The following EPS8 variants were observed in gnomAD, a reference collection of about 807,000 sequenced individuals.
EPS8 encodes the protein EGFR pathway substrate 8, signaling adaptor.
In EPS8, 42 loss-of-function variants were observed where a neutral mutation model predicts 103.8. That is an observed-to-expected ratio of 0.40 (90% CI 0.32 to 0.52). EPS8 has a LOEUF of 0.52. Ranked by LOEUF, EPS8 falls within the 20% of genes least tolerant of loss-of-function variation. EPS8 has a pLI of 0.40. For synonymous variants in EPS8, 344 were observed against 344.6 expected (o/e 1.00, Z 0.02); for missense variants, 969 against 1,005.1 (o/e 0.96, Z 0.49).
At chr12:15,754,428 A>G (rs960415223) in intron 1 of EPS8, among the ~76,000 whole-genome samples, 5 of 152,128 alleles carry the variant, frequency 3.3e-5, no homozygotes, top group African/African-American at 4.8e-5. Context: ...ATACAGGGGG[A>G]AAAACAAGAA....
At position 15,785,383 on chromosome 12, in the gene EPS8, TG is replaced by T. The variant is rs1344354044; in HGVS notation, c.-22+3777del. 1.3e-5 allele frequency among the ~76,000 whole-genome samples: 2 copies of T among 152,108 alleles called. No homozygotes were observed. The highest frequency in any genetic ancestry group is 2.9e-5 in the Non-Finnish European group (2 of 67,960). On this transcript the variant is annotated intron_variant, in intron 1 of 20. Coordinates refer to ENST00000281172, the MANE Select transcript of EPS8 (RefSeq NM_004447.6). This position sits in a 1 kb window ranked among gnomAD's most constrained non-coding sequence, Gnocchi z 4.9. ...TGCTGCTATACATCTATGATAGAAA[TG>T]AATGATTAAGCAAATGTATGGCAGA...
At chr12:15,711,583 C>T (rs1248217250) in intron 1 of EPS8, among the ~76,000 whole-genome samples, 1 of 152,140 alleles carries the variant, frequency 6.6e-6, no homozygotes, top group Non-Finnish European at 1.5e-5. Flanking sequence ...GAGATTTACA[C>T]TCCACATTAA....
At chr12:15,722,287 T>C (rs1357229507) in intron 1 of EPS8, among the ~76,000 whole-genome samples, 2 of 151,962 alleles carry the variant, frequency 1.3e-5, no homozygotes, top group Non-Finnish European at 2.9e-5. Flanking sequence ...GGGCCTCAGG[T>C]TGGACAAGCT....
At chr12:15,680,241 C>T (rs1318065186) in intron 3 of EPS8, among the ~76,000 whole-genome samples, 1 of 152,132 alleles carries the variant, frequency 6.6e-6, no homozygotes, top group African/African-American at 2.4e-5. Context: ...ATTGTTTATT[C>T]TTACAACAGC....
Position 15,631,586 on chromosome 12 carries a change from G to C in EPS8, c.1900C>G (p.Pro634Ala), listed in dbSNP as rs767050285. The C allele has an allele frequency of 2.4e-5, 39 of 1,613,976 alleles. 1 individual carries two copies. In the East Asian group the frequency reaches 5.8e-4, roughly 24 times the overall value. Residue 634 changes from proline (P) to alanine (A), a missense_variant, in exon 18 of 21, where the codon CCT becomes GCT. Transcript: ENST00000281172. Reference sequence around the variant, plus strand: ...GGAGTGGAAGGGGGAAGGGGAACAGGAACAGGAGCTGGTGTTGGAGGAGGT... The same window carrying C: ...GGAGTGGAAGGGGGAAGGGGAACAGCAACAGGAGCTGGTGTTGGAGGAGGT... ...PSPPPTPAPV[P>A]VPLPPSTPAP... is the part of the protein sequence containing the mutation.
At chr12:15,624,432 CT>C (rs1383049595) in intron 18 of EPS8, 25 bp from the exon 19 acceptor site, 17 of 1,515,726 alleles carry the variant, frequency 1.1e-5, no homozygotes, top group Non-Finnish European at 1.5e-5. Context: ...GGAGTAGGTT[CT>C]TTTTGAAAAT....
At chr12:15,641,275 TC>T (rs1945223985) in intron 16 of EPS8, among the ~76,000 whole-genome samples, 1 of 152,166 alleles carries the variant, frequency 6.6e-6, no homozygotes, top group Non-Finnish European at 1.5e-5. Flanking sequence ...TCAATTAGAA[TC>T]TAACAAAGAG....
chr12:15,733,580 A>G lies in EPS8; in HGVS notation c.-21-50608T>C, dbSNP rs898468391. Among the ~76,000 whole-genome samples, 6 of 152,158 alleles carry G rather than the reference A, an allele frequency of 3.9e-5. No individual in the cohort carries two copies. ...AAGAAAGAATAAAAGGACATGTGAA[A>G]ACACCTCAGCCCAGAGATAAGAGGA... On this transcript the variant is annotated intron_variant, in intron 1 of 20. Transcript: ENST00000281172. The surrounding 1 kb of genome is among the most constrained non-coding windows in gnomAD (Gnocchi z 4.8).
At position 15,688,561 on chromosome 12, in the gene EPS8, C is replaced by G. The variant is rs148772122; in HGVS notation, c.-21-5589G>C. ...ATAAGCAGCTGGACATTGAGAGGGG[C>G]ACATCGGCAGAGGAACACACCAACA... On this transcript the variant is annotated intron_variant, in intron 1 of 20. Transcript: ENST00000281172. This position sits in a 1 kb window ranked among gnomAD's most constrained non-coding sequence, Gnocchi z 5.1. 1.1e-3 allele frequency among the ~76,000 whole-genome samples: 163 copies of G among 152,206 alleles called. No homozygotes were observed. Among genetic ancestry groups the G allele is most frequent in the East Asian group, 9.7e-3 (50 of 5,174 alleles).
chr12:15,724,946 C>T (rs1360728599), intron 1 of EPS8, among the ~76,000 whole-genome samples: 1 of 151,960 alleles, frequency 6.6e-6, no homozygotes, highest in African/African-American at 2.4e-5. Context: ...TTCTTTTCTC[C>T]AAAACTTAAA....
At position 15,621,369 on chromosome 12, in the gene EPS8, G is replaced by C. The variant is rs767402813; in HGVS notation, c.2417C>G (p.Ala806Gly). 1 of 1,604,184 alleles carries C rather than the reference G, an allele frequency of 6.2e-7. No individual in the cohort carries two copies. Among genetic ancestry groups the C allele is most frequent in the Admixed American group, 1.7e-5 (1 of 58,144 alleles). The change falls in exon 21 of 21, where the codon GCT becomes GGT. Residue 806 changes from alanine to glycine, a missense_variant. Physicochemically the swap from Ala to Gly is moderately conservative, Grantham distance 60. Transcript: ENST00000281172. ...IMRRRQEKIS[A>G]AASDSGVESF... ...TTCCACTCCTGAATCACTAGCGGCA[G>C]CACTGATTTTTTCCTGTCGTCTTCT...
chr12:15,630,342 T>C (rs1945023892), intron 18 of EPS8, among the ~76,000 whole-genome samples: 1 of 152,174 alleles, frequency 6.6e-6, no homozygotes, highest in Non-Finnish European at 1.5e-5. Context: ...AGTAACTTTA[T>C]AATACGTTTA....
At chr12:15,681,623 G>C (rs767648894) in intron 2 of EPS8, among the ~76,000 whole-genome samples, 1 of 150,854 alleles carries the variant, frequency 6.6e-6, no homozygotes, top group Non-Finnish European at 1.5e-5. Context: ...CCAGCTACTC[G>C]GGAGGCTGAG....
intron 1 of EPS8, among the ~76,000 whole-genome samples, chr12:15,686,748 C>T (rs1946101304): frequency 1.3e-5 from 2 of 152,246 alleles, no homozygotes; most frequent in Non-Finnish European, 2.9e-5. Flanking sequence ...CTCTTGCTTG[C>T]ATCTCATATC....
rs949076349 is a variant in EPS8, at chr12:15,620,392, T to C, written c.*925A>G. 3.9e-5 allele frequency: 6 copies of C among 152,670 alleles called. No homozygotes were observed. Among genetic ancestry groups the C allele is most frequent in the Non-Finnish European group, 7.3e-5 (5 of 68,048 alleles). The allele number at this position is 152,670 out of a possible 1,614,324, so 9.5% of individuals were successfully genotyped here. A position where few individuals can be genotyped will look rare whatever the true frequency, so the allele number is the denominator to read the frequency against. ...AGGTTAGGTATCTTTCTTTTCTCTA[T>C]GTGGAATCTTTCACAGGATTAAAAT... On this transcript the variant is annotated 3_prime_UTR_variant, in exon 21 of 21. Transcript: ENST00000281172.
Position 15,781,551 on chromosome 12 carries a change from T to C in EPS8, c.-22+7610A>G, listed in dbSNP as rs1361501618. 6.6e-6 allele frequency among the ~76,000 whole-genome samples: 1 copy of C among 152,202 alleles called. No individual in the cohort carries two copies. The highest frequency in any genetic ancestry group is 1.5e-5 in the Non-Finnish European group (1 of 68,034). On this transcript the variant is annotated intron_variant, in intron 1 of 20. Transcript: ENST00000281172. This position sits in a 1 kb window ranked among gnomAD's most constrained non-coding sequence, Gnocchi z 4.1. ...TGTAACAGTGAAAGAAGATAATGTA[T>C]GTAACACCTGCCACACAAAAGGTAC...
At position 15,647,259 on chromosome 12, in the gene EPS8, T is replaced by G. The variant is rs772430425; in HGVS notation, c.1436A>C (p.His479Pro). 1 of 1,611,194 alleles carries G rather than the reference T, an allele frequency of 6.2e-7. No homozygotes were observed. Among genetic ancestry groups the G allele is most frequent in the African/African-American group, 1.3e-5 (1 of 74,966 alleles). The change falls in exon 15 of 21, where the codon CAT (histidine) becomes CCT (proline). Residue 479 changes from histidine (H) to proline (P), a missense_variant and splice_region_variant. By Grantham distance (77) the His-to-Pro change is moderately conservative. Coordinates refer to ENST00000281172, the MANE Select transcript of EPS8 (RefSeq NM_004447.6). ...KQEIKRLSTE[H>P]SSVSEYHPAD... is the part of the protein sequence containing the mutation. ...TGGATGATACTCTGATACACTGGAA[T>G]GCTGAAAGACAAAGTGGGGCAGATT...
chr12:15,740,275 G>A (rs1354128032), intron 1 of EPS8, among the ~76,000 whole-genome samples: 13 of 152,232 alleles, frequency 8.5e-5, no homozygotes, highest in East Asian at 5.8e-4. Context: ...GGCTGGGAGC[G>A]GTGGCTCACG....
intron 17 of EPS8, among the ~76,000 whole-genome samples, chr12:15,634,103 C>G (rs771885189): frequency 1.3e-4 from 20 of 152,164 alleles, no homozygotes; most frequent in Non-Finnish European, 2.4e-4. Flanking sequence ...TACTGAAGCT[C>G]CAAATCCAAA....
Sources: gnomAD v4.1 joint callset for allele counts (sites outside exome capture counted in the v4.1 genomes callset) on GRCh38, gnomAD v4.1.1 for gene constraint, Gnocchi (gnomAD v3.1) non-coding constraint, MANE v1.5 for transcripts, NCBI Gene and HGNC (gene_info 2026-07-23, HGNC 2026-07-21) for gene names.